Variants in TBC1D8B observed in about 807,000 individuals in gnomAD.
TBC1D8B encodes the protein RP11-321G1.1.
In TBC1D8B, 75 loss-of-function variants were observed where a neutral mutation model predicts 82.9. That is an observed-to-expected ratio of 0.90 (90% CI 0.75 to 1.10). TBC1D8B has a LOEUF of 1.10. Ranked by LOEUF, TBC1D8B falls within the 50% of genes least tolerant of loss-of-function variation. The pLI is 0.00. For synonymous variants in TBC1D8B, 276 were observed against 276.8 expected (o/e 1.00, Z 0.03); for missense variants, 794 against 796.9 (o/e 1.00, Z 0.04).
intron 8 of TBC1D8B, among the ~76,000 whole-genome samples, 183 bp from the exon 9 acceptor site, chrX:106,839,865 G>A (rs1404990434): frequency 8.9e-6 from 1 of 112,190 alleles, no homozygotes; most frequent in Non-Finnish European, 1.9e-5. Flanking sequence ...ATGCTCACAT[G>A]AGTTTAAAAG....
At chrX:106,830,387 C>T (rs369377094) in intron 7 of TBC1D8B, among the ~76,000 whole-genome samples, 3 of 111,352 alleles carry the variant, frequency 2.7e-5, no homozygotes, top group East Asian at 2.8e-4. Flanking sequence ...GTCAGTGTGG[C>T]GATTCCTCAG....
At chrX:106,859,874 C>A (rs1235563091) in intron 14 of TBC1D8B, among the ~76,000 whole-genome samples, 1 of 111,774 alleles carries the variant, frequency 8.9e-6, no homozygotes. Context: ...TTCTTCAATG[C>A]CTAGTTTGTT....
At chrX:106,858,429 T>C (rs112057344) in intron 14 of TBC1D8B, among the ~76,000 whole-genome samples, 1 of 111,728 alleles carries the variant, frequency 9.0e-6, no homozygotes, top group African/African-American at 3.3e-5. Flanking sequence ...TCCGCCACCA[T>C]GCCCAGCTAA....
In TBC1D8B at chrX:106,840,711, G is replaced by A. The variant is rs759556927; in HGVS notation, c.1546G>A (p.Glu516Lys). Residue 516 changes from glutamate to lysine, a missense_variant, in exon 10 of 21, where the codon GAA becomes AAA. Transcript: ENST00000357242. ...DMATNPDYYT[E>K]VVEQSLGTCN... ...GGCTACTAATCCTGACTATTATACT[G>A]AAGTGGTTGAGCAGTCCTTAGGGAC... 1.7e-6 allele frequency: 2 copies of A among 1,211,273 alleles called. No homozygotes were observed. The highest frequency in any genetic ancestry group is 1.8e-5 in the South Asian group (1 of 56,961).
intron 1 of TBC1D8B, among the ~76,000 whole-genome samples, chrX:106,808,470 ATTGAT>A (rs1931260762): frequency 8.9e-6 from 1 of 111,957 alleles, no homozygotes; most frequent in Non-Finnish European, 1.9e-5. Flanking sequence ...GTATATAGAA[ATTGAT>A]TTGGAGTGGT....
chrX:106,823,201 A>G (rs1329195710), intron 4 of TBC1D8B, 25 bp from the exon 5 acceptor site: 2 of 1,183,009 alleles, frequency 1.7e-6, no homozygotes, highest in Non-Finnish European at 2.3e-6. Context: ...ATTTAATCAT[A>G]CCTGCTTATA....
At chrX:106,825,166 G>A (rs1029973628) in intron 5 of TBC1D8B, among the ~76,000 whole-genome samples, 1 of 111,260 alleles carries the variant, frequency 9.0e-6, no homozygotes, top group Non-Finnish European at 1.9e-5. Flanking sequence ...CCATTTAACT[G>A]AGGTAAAAAT....
intron 2 of TBC1D8B, 43 bp downstream of exon 2, chrX:106,818,816 A>G (rs1266321312): frequency 9.9e-7 from 1 of 1,009,733 alleles, no homozygotes; most frequent in East Asian, 3.1e-5. Flanking sequence ...AAATAAGGGT[A>G]CTACAAAGCT....
At position 106,866,779 on chromosome X, in the gene TBC1D8B, T is replaced by C. The variant is rs768994421; in HGVS notation, c.2663-18T>C. 3.8e-5 allele frequency: 41 copies of C among 1,082,125 alleles called. No individual in the cohort carries two copies. In the South Asian group the frequency reaches 7.6e-4, roughly 20 times the overall value. The allele number at this position is 1,082,125 out of a possible 1,213,427, so 89.2% of individuals were successfully genotyped here. On this transcript the variant is annotated intron_variant, in intron 16 of 20. Transcript: ENST00000357242. The stretch of plus-strand genomic sequence containing the variant: ...TCTTTAGATACATGATTATTTACAA[T>C]TGAATTTTATTGAACAGACATAATG...
At chrX:106,825,681 G>T (rs768120656) in intron 5 of TBC1D8B, among the ~76,000 whole-genome samples, 10 of 111,146 alleles carry the variant, frequency 9.0e-5, no homozygotes, top group African/African-American at 3.3e-4. Flanking sequence ...GAACATTGTT[G>T]TCTTCCAGGA....
At chrX:106,827,062 C>T (rs984102894) in intron 6 of TBC1D8B, 108 bp from the exon 7 acceptor site, 5 of 891,820 alleles carry the variant, frequency 5.6e-6, no homozygotes, top group African/African-American at 4.0e-5. Flanking sequence ...ATAAGTCATA[C>T]TATAGACCAA....
rs745511756 is a variant in TBC1D8B at position 106,827,209 on chromosome X, G to A, written c.1075G>A (p.Val359Ile). Reference protein sequence around the residue: ...IDKTNDSSKSVIISIKGKTAF... With the variant: ...IDKTNDSSKSIIISIKGKTAF... ...TAAGACAAATGATTCCAGCAAATCT[G>A]TCATCATTAGCATCAAAGGAAAAAC... The change falls in exon 7 of 21, where the codon GTC (valine) becomes ATC (isoleucine). Residue 359 changes from valine to isoleucine, a missense_variant. Val to Ile is a conservative substitution (Grantham distance 29). Transcript: ENST00000357242. 2.5e-6 allele frequency: 3 copies of A among 1,209,385 alleles called. No individual in the cohort carries two copies. The highest frequency in any genetic ancestry group is 3.0e-5 in the East Asian group (1 of 33,722).
chrX:106,849,742 T>G (rs1446518310), intron 11 of TBC1D8B: 14 of 850,690 alleles, frequency 1.6e-5, no homozygotes, highest in Middle Eastern at 1.0e-3. Context: ...TCCCTGAACA[T>G]GAGACTATTT....
intron 19 of TBC1D8B, among the ~76,000 whole-genome samples, chrX:106,870,087 G>GC (rs201369874): frequency 0.03 from 3,416 of 112,151 alleles, 63 homozygotes; most frequent in Non-Finnish European, 0.046. Context: ...CTGGAGTGCA[G>GC]TGGCATGATC....
In TBC1D8B at chrX:106,822,084, G is replaced by T. The variant is rs758611958; in HGVS notation, c.468G>T (p.Lys156Asn). ...KFEKCFGLPE[K>N]EKLVTYYSCS... ...AAAAATGTTTTGGTTTACCAGAGAA[G>T]GAGAAGTTAGTGACCTATTATTCAT... is the stretch of plus-strand genomic sequence containing the variant. Residue 156 changes from lysine (K) to asparagine (N), a missense_variant, in exon 4 of 21, where the codon AAG (lysine) becomes AAT (asparagine). Coordinates refer to ENST00000357242, the MANE Select transcript of TBC1D8B (RefSeq NM_017752.3). The T allele has an allele frequency of 5.8e-6, 7 of 1,210,485 alleles. No individual in the cohort carries two copies. Among genetic ancestry groups the T allele is most frequent in the Non-Finnish European group, 7.8e-6 (7 of 894,722 alleles).
intron 14 of TBC1D8B, among the ~76,000 whole-genome samples, chrX:106,864,959 A>C (rs888135012): frequency 1.8e-5 from 2 of 111,982 alleles, no homozygotes; most frequent in Non-Finnish European, 3.8e-5. Flanking sequence ...AATTTTATTT[A>C]CTGAGTCTAC....
chrX:106,823,222 G>T lies in TBC1D8B; in HGVS notation c.587-4G>T. ...TCATACCTGCTTATACCTCTTATTTGCAGTAAAACTCATTATCTCCTGGGA... is the reference window on the plus strand; with the variant it reads ...TCATACCTGCTTATACCTCTTATTTTCAGTAAAACTCATTATCTCCTGGGA... On this transcript the variant is annotated splice_polypyrimidine_tract_variant and splice_region_variant and intron_variant, in intron 4 of 20. Transcript: ENST00000357242. 1 of 1,201,976 alleles carries T rather than the reference G, an allele frequency of 8.3e-7. No homozygotes were observed. The highest frequency in any genetic ancestry group is 1.1e-6 in the Non-Finnish European group (1 of 889,151).
chrX:106,873,207 C>G (rs989942195), intron 20 of TBC1D8B, among the ~76,000 whole-genome samples: 9 of 111,297 alleles, frequency 8.1e-5, no homozygotes, highest in Non-Finnish European at 1.5e-4. Flanking sequence ...AGGCGATTCT[C>G]CTGCCTCAGC....
intron 14 of TBC1D8B, among the ~76,000 whole-genome samples, chrX:106,862,847 A>C (rs1261487550): frequency 1.2e-5 from 1 of 85,692 alleles, no homozygotes; most frequent in Non-Finnish European, 2.1e-5. Flanking sequence ...TTGTGGATTC[A>C]GTTGACTGGC....
Sources: allele counts gnomAD v4.1 joint callset (sites outside exome capture counted in the v4.1 genomes callset), GRCh38; gene constraint gnomAD v4.1.1; transcripts MANE v1.5; gene names NCBI Gene and HGNC (gene_info 2026-07-23, HGNC 2026-07-21).